Variants in COL5A3 observed in about 807,000 individuals in gnomAD.
The protein encoded by COL5A3 is collagen type V alpha 3 chain, also known as collagen alpha-3(V) chain.
A neutral mutation model predicts 250.0 loss-of-function variants in COL5A3; 172 were observed. That is an observed-to-expected ratio of 0.69 (90% confidence interval 0.61 to 0.78). The LOEUF (loss-of-function observed/expected upper bound fraction) is 0.78. Ranked by LOEUF, COL5A3 falls within the 30% of genes least tolerant of loss-of-function variation. COL5A3 has a pLI of 0.00. For missense variants in COL5A3, 2,340 were observed against 2,334.4 expected, an observed-to-expected ratio of 1.00 and a Z score of -0.05; for synonymous variants, 937 against 900.4, an observed-to-expected ratio of 1.04 and a Z score of -0.73.
In COL5A3 at chr19:9,959,747, C is replaced by A. The variant is rs1201865883; in HGVS notation, c.*664G>T. On this transcript the variant is annotated 3_prime_UTR_variant, in exon 67 of 67. Transcript: ENST00000264828. ...GACCCAGGTATAAATAGGGCAGCAC[C>A]ATTAGGATCCTGATTCACCCCCCCA... 6.5e-6 allele frequency: 1 copy of A among 153,490 alleles called. No individual in the cohort carries two copies. Among genetic ancestry groups the A allele is most frequent in the Non-Finnish European group, 1.5e-5 (1 of 68,852 alleles). 9.5% of individuals were successfully genotyped at this position (153,490 alleles called of 1,614,324 possible).
intron 10 of COL5A3, 119 bp from the exon 11 acceptor site, chr19:9,997,552 C>T (rs1010486765): frequency 4.7e-6 from 3 of 641,190 alleles, no homozygotes; most frequent in Non-Finnish European, 8.2e-6. Context: ...AGAGCCACTC[C>T]AACTCCCCTA....
In COL5A3 at chr19:9,977,779, C is replaced by T. The variant is rs2086944788; in HGVS notation, c.3019-78G>A. 5 of 1,167,618 alleles carry T rather than the reference C, an allele frequency of 4.3e-6. No homozygotes were observed. In the South Asian group the frequency reaches 7.4e-5, roughly 17 times the overall value. The allele number at this position is 1,167,618 out of a possible 1,614,324, so 72.3% of individuals were successfully genotyped here. On this transcript the variant is annotated intron_variant, in intron 41 of 66. Transcript: ENST00000264828. Reference sequence around the variant, plus strand: ...TGGAGGGTTTTTAAGCCACCAGGCACTGAGTTCTGAGGTTACCAGGATTGT... The same window carrying T: ...TGGAGGGTTTTTAAGCCACCAGGCATTGAGTTCTGAGGTTACCAGGATTGT...
chr19:9,989,071 ATGCCTGAACCCAAAG>A lies in COL5A3; in HGVS notation c.2145+38_2145+52del. 1.9e-6 allele frequency: 3 copies of A among 1,580,360 alleles called. No individual in the cohort carries two copies. The South Asian group carries it at 3.3e-5, about 17-fold the overall frequency. On this transcript the variant is annotated intron_variant, in intron 27 of 66. Coordinates refer to ENST00000264828, the MANE Select transcript of COL5A3 (RefSeq NM_015719.4). ...GAAGTTTCTGATGGAGCTGCATCGC[ATGCCTGAACCCAAAG>A]CTGGTAAATCACTCATACCTGCAAG...
At chr19:9,978,521 C>T (rs570093575) in intron 41 of COL5A3, 53 bp downstream of exon 41, 7 of 1,209,146 alleles carry the variant, frequency 5.8e-6, no homozygotes, top group Non-Finnish European at 7.3e-6. Context: ...GCTTCCAAGA[C>T]ACCTTGAGTC....
At chr19:9,993,888 A>C in intron 16 of COL5A3, 82 bp from the exon 17 acceptor site, 2 of 1,292,722 alleles carry the variant, frequency 1.5e-6, no homozygotes, top group Non-Finnish European at 1.1e-6. Context: ...CTTCATCATC[A>C]ACATCAAGAT....
In COL5A3 at chr19:10,009,487, G is replaced by A. The variant is rs1269084113; in HGVS notation, c.88+811C>T. Among the ~76,000 whole-genome samples, 9 of 151,960 alleles carry A rather than the reference G, an allele frequency of 5.9e-5. No homozygotes were observed. In the South Asian group the frequency reaches 1.2e-3, roughly 21 times the overall value. ...AACACCCAAGGCTCCAGCAGCTGGG[G>A]TGGGGAGGGGGGGAGCAACTTCCAC... On this transcript the variant is annotated intron_variant, in intron 1 of 66. Coordinates refer to ENST00000264828, the MANE Select transcript of COL5A3 (RefSeq NM_015719.4). The surrounding 1 kb of genome is among the most constrained non-coding windows in gnomAD (Gnocchi z 4.4).
chr19:9,991,946 G>A, intron 22 of COL5A3, 58 bp downstream of exon 22: 1 of 1,567,180 alleles, frequency 6.4e-7, no homozygotes, highest in Non-Finnish European at 8.8e-7. Flanking sequence ...ATAGGGATGT[G>A]GACAATCGGG....
Position 9,967,335 on chromosome 19 carries a change from C to G in COL5A3, c.4458+12G>C, listed in dbSNP as rs766123864. On this transcript the variant is annotated intron_variant, in intron 62 of 66. Transcript: ENST00000264828. The stretch of plus-strand genomic sequence containing the variant: ...TTTTGGTGTCCATTCCCCCGCCCCC[C>G]GGGGAACTCACCGGGGGGCCTGGTG... 5.6e-5 allele frequency: 80 copies of G among 1,426,346 alleles called. No individual in the cohort carries two copies. Among genetic ancestry groups the G allele is most frequent in the Non-Finnish European group, 6.8e-5 (74 of 1,094,520 alleles). The allele number at this position is 1,426,346 out of a possible 1,614,324, so 88.4% of individuals were successfully genotyped here.
At chr19:10,002,769 C>T (rs1256423900) in intron 6 of COL5A3, among the ~76,000 whole-genome samples, 4 of 152,106 alleles carry the variant, frequency 2.6e-5, no homozygotes, top group Non-Finnish European at 5.9e-5. Flanking sequence ...CCAATGACCC[C>T]CAAATAGTAA....
At chr19:9,996,306 C>T (rs779625779) in intron 13 of COL5A3, 44 bp from the exon 14 acceptor site, 1 of 1,545,736 alleles carries the variant, frequency 6.5e-7, no homozygotes, top group South Asian at 1.2e-5. Context: ...CCCACAAGAC[C>T]CCCAACATTC....
chr19:9,987,177 A>C (rs1422955412), intron 27 of COL5A3, among the ~76,000 whole-genome samples: 1 of 152,184 alleles, frequency 6.6e-6, no homozygotes, highest in Non-Finnish European at 1.5e-5. Flanking sequence ...CGCTTAGTTC[A>C]AGTCTGGATG....
chr19:9,987,727 G>A (rs896929794), intron 27 of COL5A3, among the ~76,000 whole-genome samples: 3 of 151,982 alleles, frequency 2.0e-5, no homozygotes, highest in Admixed American at 1.3e-4. Context: ...GCACTCCAGC[G>A]TGGGTAACAG....
intron 32 of COL5A3, among the ~76,000 whole-genome samples, chr19:9,981,454 C>G (rs1004583074): frequency 2.2e-4 from 34 of 152,156 alleles, no homozygotes; most frequent in African/African-American, 8.0e-4. Flanking sequence ...CAATCCACAG[C>G]CTGAAGATGA....
Position 10,009,944 on chromosome 19 carries a change from C to T in COL5A3, c.88+354G>A, listed in dbSNP as rs1181893295. 1.3e-5 allele frequency among the ~76,000 whole-genome samples: 2 copies of T among 152,152 alleles called. No individual in the cohort carries two copies. The highest frequency in any genetic ancestry group is 2.4e-5 in the African/African-American group (1 of 41,414). ...GCAATACACACCGTCCCAGCACTGC[C>T]CTGTCACTCACAGTCACACTATCAC... On this transcript the variant is annotated intron_variant, in intron 1 of 66. Transcript: ENST00000264828. This position sits in a 1 kb window ranked among gnomAD's most constrained non-coding sequence, Gnocchi z 4.4.
rs2086886803 is a variant in COL5A3 at position 9,973,925 on chromosome 19, T to G, written c.3552A>C (p.Gly1184=). ...PGPRGPQGPT[G]SEGTPGLPGG... The stretch of plus-strand genomic sequence containing the variant: ...GCCCCCCAAGAGTTCTCACCTCTGA[T>G]CCAGTGGGGCCTTGGGGACCCCGAG... The change falls in exon 48 of 67, where the codon GGA becomes GGC. Residue 1184 remains glycine, a synonymous_variant. Transcript: ENST00000264828. The G allele has an allele frequency of 1.3e-6, 2 of 1,570,146 alleles. No individual in the cohort carries two copies. The highest frequency in any genetic ancestry group is 4.5e-5 in the East Asian group (2 of 44,316).
chr19:10,009,957 G>A lies in COL5A3; in HGVS notation c.88+341C>T, dbSNP rs1489339992. Among the ~76,000 whole-genome samples the A allele has an allele frequency of 2.0e-5, 3 of 152,070 alleles. No homozygotes were observed. Among genetic ancestry groups the A allele is most frequent in the Non-Finnish European group, 4.4e-5 (3 of 68,010 alleles). On this transcript the variant is annotated intron_variant, in intron 1 of 66. Transcript: ENST00000264828. The surrounding 1 kb of genome is among the most constrained non-coding windows in gnomAD (Gnocchi z 4.4). ...TCCCAGCACTGCCCTGTCACTCACA[G>A]TCACACTATCACCATCAACCTCCAC... is the stretch of plus-strand genomic sequence containing the variant.
chr19:9,965,172 T>TTTTTA, intron 64 of COL5A3, among the ~76,000 whole-genome samples: 1 of 146,338 alleles, frequency 6.8e-6, no homozygotes. Context: ...TTTTTTTTTT[T>TTTTTA]GAGATGGAGT....
chr19:9,976,104 C>T (rs1368692724), intron 45 of COL5A3, among the ~76,000 whole-genome samples: 1 of 78,912 alleles, frequency 1.3e-5, no homozygotes, highest in Non-Finnish European at 2.6e-5. Context: ...AGACATGGTT[C>T]GACTGGGATT....
At chr19:9,998,220 TCACACACACTTG>T (rs1033604907) in intron 8 of COL5A3, 71 bp from the exon 9 acceptor site, 10 of 1,412,708 alleles carry the variant, frequency 7.1e-6, no homozygotes, top group Admixed American at 5.8e-5. Context: ...AGTTATCTGA[TCACACACACTTG>T]CACACACACA....
Sources: allele counts gnomAD v4.1 joint callset (sites outside exome capture counted in the v4.1 genomes callset), GRCh38; gene constraint gnomAD v4.1.1; non-coding constraint Gnocchi (gnomAD v3.1); transcripts MANE v1.5; gene names NCBI Gene and HGNC (gene_info 2026-07-23, HGNC 2026-07-21).